DENND2B: variants seen among roughly 807,000 people sequenced by gnomAD.
The protein encoded by DENND2B is DENN domain containing 2B.
In DENND2B, 32 loss-of-function variants were observed where a neutral mutation model predicts 116.0. The observed-to-expected ratio is 0.28, with a 90% CI of 0.21 to 0.37. The LOEUF (loss-of-function observed/expected upper bound fraction) is 0.37. DENND2B is among the 10% of genes least tolerant of loss of function. The probability of loss-of-function intolerance (pLI) is 1.00; values close to 1 mark genes in which losing one functional copy is unlikely to be tolerated. For synonymous variants in DENND2B, 588 were observed against 583.9 expected, an observed-to-expected ratio of 1.01 and a Z score of -0.10; for missense variants, 1,276 against 1,477.7, an observed-to-expected ratio of 0.86 and a Z score of 2.24.
chr11:8,791,849 A>AG (rs1365362106), intron 1 of DENND2B, among the ~76,000 whole-genome samples: 1 of 152,248 alleles, frequency 6.6e-6, no homozygotes, highest in East Asian at 1.9e-4. Context: ...AGAAGTTCAC[A>AG]AATTTTTAGT....
chr11:8,801,280 C>T (rs1406919148), intron 1 of DENND2B, among the ~76,000 whole-genome samples: 4 of 151,962 alleles, frequency 2.6e-5, no homozygotes, highest in African/African-American at 7.3e-5. Flanking sequence ...GACTGGGGGA[C>T]GCTTATCACT....
At position 8,894,639 on chromosome 11, in the gene DENND2B, C is replaced by T. The variant is rs1194215330; in HGVS notation, c.-255-13530G>A. 2.0e-5 allele frequency among the ~76,000 whole-genome samples: 3 copies of T among 152,258 alleles called. No individual in the cohort carries two copies. The East Asian group carries it at 5.8e-4, about 29-fold the overall frequency. ...AAGACATTTATGCAGCCAACAGACA[C>T]ATCAAAAAATGCTCACCATCACTGG... On this transcript the variant is annotated intron_variant, in intron 1 of 22. Coordinates refer to the DENND2B transcript ENST00000534127.
At chr11:8,859,949 G>A (rs1248208397) in intron 2 of DENND2B, among the ~76,000 whole-genome samples, 2 of 152,030 alleles carry the variant, frequency 1.3e-5, no homozygotes, top group Admixed American at 6.6e-5. Context: ...TGTCACACCT[G>A]CCCCTGTCCC....
At chr11:8,874,124 C>T (rs146848599), upstream of DENND2B, among the ~76,000 whole-genome samples, 88 of 152,312 alleles carry the variant, frequency 5.8e-4, no homozygotes, top group African/African-American at 2.0e-3. Context: ...GTTATGAATA[C>T]TGTTCCTTTC....
chr11:8,838,268 C>T (rs989025875), intron 4 of DENND2B, among the ~76,000 whole-genome samples: 4 of 152,286 alleles, frequency 2.6e-5, no homozygotes, highest in Non-Finnish European at 4.4e-5. Flanking sequence ...CCACAGAGTC[C>T]TGTCTTCTTC....
At chr11:8,818,798 T>A (rs2061665014) in intron 4 of DENND2B, among the ~76,000 whole-genome samples, 1 of 152,170 alleles carries the variant, frequency 6.6e-6, no homozygotes, top group African/African-American at 2.4e-5. Flanking sequence ...AATGAACTAA[T>A]AAAACCAACC....
intron 2 of DENND2B, among the ~76,000 whole-genome samples, chr11:8,748,252 C>A: frequency 6.6e-6 from 1 of 152,286 alleles, no homozygotes; most frequent in South Asian, 2.1e-4. Context: ...GGCCCCAGGT[C>A]ACTACCAAAC....
chr11:8,762,608 C>G (rs551469783), intron 1 of DENND2B, among the ~76,000 whole-genome samples: 27 of 152,366 alleles, frequency 1.8e-4, no homozygotes, highest in African/African-American at 6.5e-4. Context: ...TGCCTGTAAT[C>G]CCAGCACTTT....
intron 1 of DENND2B, chr11:8,785,428 A>C (rs994684377): frequency 8.5e-5 from 13 of 152,146 alleles, no homozygotes; most frequent in African/African-American, 3.1e-4. Context: ...CTCTAACCGA[A>C]AAGGAGGATA....
At chr11:8,720,885 G>A (rs1303079320) in intron 4 of DENND2B, among the ~76,000 whole-genome samples, 2 of 152,168 alleles carry the variant, frequency 1.3e-5, no homozygotes, top group Non-Finnish European at 2.9e-5. Context: ...ACATCCTAGG[G>A]AGGACAGAGC....
intron 1 of DENND2B, chr11:8,807,969 C>T (rs933393875): frequency 1.3e-5 from 2 of 152,078 alleles, no homozygotes; most frequent in African/African-American, 4.8e-5. Flanking sequence ...TGCCATACGC[C>T]CTTTCGACTC....
At chr11:8,817,840 C>G (rs2061623271) in intron 4 of DENND2B, among the ~76,000 whole-genome samples, 1 of 152,156 alleles carries the variant, frequency 6.6e-6, no homozygotes, top group South Asian at 2.1e-4. Context: ...AGGCCCCTGA[C>G]CACTGTCCCT....
rs1592251054 is a variant in DENND2B at position 8,693,883 on chromosome 11, C to G, written c.*213G>C. 2 of 531,082 alleles carry G rather than the reference C, an allele frequency of 3.8e-6. No individual in the cohort carries two copies. Among genetic ancestry groups the G allele is most frequent in the Non-Finnish European group, 6.6e-6 (2 of 301,048 alleles). 32.9% of individuals were successfully genotyped at this position (531,082 alleles called of 1,614,324 possible). A position where few individuals can be genotyped will look rare whatever the true frequency, so the allele number is the denominator to read the frequency against. ...GGAATATACAAATATTTGCCATATT[C>G]TCTTTGCTTGTTACAAAAAACAGTT... is the stretch of plus-strand genomic sequence containing the variant. On this transcript the variant is annotated 3_prime_UTR_variant, in exon 20 of 20. Transcript: ENST00000313726.
intron 1 of DENND2B, among the ~76,000 whole-genome samples, chr11:8,883,405 G>A (rs993564659): frequency 1.7e-4 from 26 of 152,218 alleles, no homozygotes; most frequent in African/African-American, 5.8e-4. Context: ...AATGAAGAAT[G>A]TTCATTCCTA....
chr11:8,846,450 A>C (rs1783698519), intron 3 of DENND2B, among the ~76,000 whole-genome samples: 1 of 152,204 alleles, frequency 6.6e-6, no homozygotes, highest in Admixed American at 6.5e-5. Context: ...TGAAGGGCCC[A>C]CTGGGCAGAC....
chr11:8,828,389 C>T (rs2062060812), intron 4 of DENND2B, among the ~76,000 whole-genome samples: 1 of 152,152 alleles, frequency 6.6e-6, no homozygotes, highest in Non-Finnish European at 1.5e-5. Context: ...CTCCTGCCCC[C>T]CAGGATGCAG....
intron 3 of DENND2B, among the ~76,000 whole-genome samples, chr11:8,839,847 T>C (rs989323727): frequency 1.2e-4 from 18 of 152,096 alleles, no homozygotes; most frequent in African/African-American, 3.6e-4. Flanking sequence ...GGAGTGCTGA[T>C]AACTACAGCA....
At chr11:8,821,294 G>GT (rs1226295508) in intron 4 of DENND2B, among the ~76,000 whole-genome samples, 1 of 151,330 alleles carries the variant, frequency 6.6e-6, no homozygotes, top group Non-Finnish European at 1.5e-5. Context: ...TTTATAACAC[G>GT]TTTTTTATTT....
chr11:8,785,385 T>C (rs2058806344), intron 1 of DENND2B: 2 of 152,218 alleles, frequency 1.3e-5, no homozygotes, highest in East Asian at 1.9e-4. Context: ...ACGCAAACTC[T>C]TCTGTGGCTG....
Sources: gnomAD v4.1 joint callset for allele counts (sites outside exome capture counted in the v4.1 genomes callset) on GRCh38, gnomAD v4.1.1 for gene constraint, MANE v1.5 for transcripts, NCBI Gene and HGNC (gene_info 2026-07-23, HGNC 2026-07-21) for gene names.